SMCHD1: variants seen among roughly 807,000 people sequenced by gnomAD.
SMCHD1 encodes the protein structural maintenance of chromosomes flexible hinge domain containing 1, also known as structural maintenance of chromosomes flexible hinge domain-containing protein 1.
SMCHD1 carries 78 observed loss-of-function variants against 254.7 expected under a neutral mutation model. The ratio of observed to expected loss-of-function variants is 0.31; its 90% CI spans 0.26 to 0.37. SMCHD1 has a LOEUF of 0.37. SMCHD1 is among the 10% of genes least tolerant of loss of function. The probability of loss-of-function intolerance (pLI) is 1.00; values close to 1 mark genes in which losing one functional copy is unlikely to be tolerated. For missense variants in SMCHD1, 1,840 were observed against 2,408.1 expected, an observed-to-expected ratio of 0.76 and a Z score of 4.94; for synonymous variants, 766 against 794.9, an observed-to-expected ratio of 0.96 and a Z score of 0.61.
intron 1 of SMCHD1, 40 bp from the exon 2 acceptor site, chr18:2,666,117 C>A: frequency 1.1e-6 from 1 of 909,208 alleles, no homozygotes; most frequent in South Asian, 1.6e-5. Flanking sequence ...ACATTTATTT[C>A]CTTTGTGTAA....
intron 7 of SMCHD1, among the ~76,000 whole-genome samples, chr18:2,689,854 A>T (rs1294311917): frequency 1.4e-5 from 1 of 71,602 alleles, no homozygotes; most frequent in Non-Finnish European, 2.9e-5. Flanking sequence ...GTCTCTACTA[A>T]AAAAAAAAAA....
At chr18:2,789,309 A>G (rs72866597) in intron 45 of SMCHD1, among the ~76,000 whole-genome samples, 29,162 of 151,694 alleles carry the variant, frequency 0.19, 3,054 homozygotes, top group Admixed American at 0.26. Flanking sequence ...TCAGAGTGCT[A>G]GGGATTACAG....
In SMCHD1 at chr18:2,718,494, G is replaced by C. The variant is rs1179429350; in HGVS notation, c.2458+60G>C. 7.2e-7 allele frequency: 1 copy of C among 1,389,160 alleles called. No individual in the cohort carries two copies. 86.1% of individuals were successfully genotyped at this position (1,389,160 alleles called of 1,614,324 possible). On this transcript the variant is annotated intron_variant, in intron 19 of 47. Transcript: ENST00000320876. This position sits in a 1 kb window ranked among gnomAD's most constrained non-coding sequence, Gnocchi z 4.6. ...AAAGGTGGCATTTTAAATCCAAAGAGAAAAGAGAGATAAGCCATTAAAAGA... is the reference window on the plus strand; with the variant it reads ...AAAGGTGGCATTTTAAATCCAAAGACAAAAGAGAGATAAGCCATTAAAAGA...
chr18:2,694,911 T>G (rs945763035), intron 8 of SMCHD1, among the ~76,000 whole-genome samples: 1 of 152,200 alleles, frequency 6.6e-6, no homozygotes, highest in Non-Finnish European at 1.5e-5. Flanking sequence ...TGAGCATTAT[T>G]TGAGGCACAG....
At chr18:2,773,178 CAG>C (rs2076012283) in intron 41 of SMCHD1, among the ~76,000 whole-genome samples, 1 of 152,094 alleles carries the variant, frequency 6.6e-6, no homozygotes, top group Non-Finnish European at 1.5e-5. Flanking sequence ...ACCCAAACCT[CAG>C]ATCCGCAAAC....
At chr18:2,672,542 A>C (rs1464732149) in intron 3 of SMCHD1, among the ~76,000 whole-genome samples, 1 of 152,326 alleles carries the variant, frequency 6.6e-6, no homozygotes. Context: ...GCTACTTTGC[A>C]TTAATTACAG....
At chr18:2,663,855 C>T (rs1317124056) in intron 1 of SMCHD1, among the ~76,000 whole-genome samples, 1 of 152,080 alleles carries the variant, frequency 6.6e-6, no homozygotes, top group Non-Finnish European at 1.5e-5. Flanking sequence ...GTTGGGACTA[C>T]AGGCGCCTGC....
intron 44 of SMCHD1, among the ~76,000 whole-genome samples, chr18:2,779,828 T>TA (rs1244297885): frequency 1.3e-5 from 2 of 151,790 alleles, no homozygotes; most frequent in African/African-American, 2.4e-5. Context: ...CGATTCTGTC[T>TA]AAAAAAATAA....
At chr18:2,713,780 T>G (rs967927666) in intron 17 of SMCHD1, among the ~76,000 whole-genome samples, 1 of 152,246 alleles carries the variant, frequency 6.6e-6, no homozygotes, top group African/African-American at 2.4e-5. Flanking sequence ...TTTTATAGTT[T>G]TGAGAGTTTC....
At chr18:2,730,834 T>G (rs1226413021) in intron 24 of SMCHD1, among the ~76,000 whole-genome samples, 1 of 152,248 alleles carries the variant, frequency 6.6e-6, no homozygotes, top group Admixed American at 6.5e-5. Flanking sequence ...CTTTTTAAGC[T>G]TGTTATATTT....
chr18:2,752,453 T>C (rs770757145), intron 33 of SMCHD1, 35 bp from the exon 34 acceptor site: 3 of 1,463,696 alleles, frequency 2.0e-6, no homozygotes, highest in East Asian at 2.3e-5. Flanking sequence ...TTTGTCATTT[T>C]CCCCTCTCCC....
Position 2,720,122 on chromosome 18 carries a change from C to T in SMCHD1, c.2458+1688C>T, listed in dbSNP as rs535519211. ...GATTACAGGCTTGAGCCACTGTGCC[C>T]AACCTGTTCTTTCTTTCTAAAATAT... is the stretch of plus-strand genomic sequence containing the variant. On this transcript the variant is annotated intron_variant, in intron 19 of 47. Transcript: ENST00000320876. Among the ~76,000 whole-genome samples the T allele has an allele frequency of 5.9e-5, 9 of 152,316 alleles. No homozygotes were observed. The East Asian group carries it at 1.5e-3, about 26-fold the overall frequency.
At chr18:2,772,929 C>CATAT (rs1284192570) in intron 41 of SMCHD1, among the ~76,000 whole-genome samples, 1 of 152,230 alleles carries the variant, frequency 6.6e-6, no homozygotes, top group East Asian at 1.9e-4. Context: ...TTGTAACCAC[C>CATAT]ATATGAACTA....
chr18:2,797,101 A>G (rs890579021), intron 47 of SMCHD1, among the ~76,000 whole-genome samples: 21 of 152,170 alleles, frequency 1.4e-4, no homozygotes, highest in Non-Finnish European at 1.9e-4. Context: ...TTGCTTGTCT[A>G]TTTTTTGGCT....
At chr18:2,786,275 G>T (rs556085204) in intron 45 of SMCHD1, among the ~76,000 whole-genome samples, 3 of 152,250 alleles carry the variant, frequency 2.0e-5, no homozygotes, top group Admixed American at 2.0e-4. Context: ...CAGGCGTGAG[G>T]CACCGTGTCT....
Position 2,751,275 on chromosome 18 carries a change from C to A in SMCHD1, c.4166-3C>A. On this transcript the variant is annotated splice_region_variant and splice_polypyrimidine_tract_variant and intron_variant, in intron 32 of 47. Coordinates refer to ENST00000320876, the MANE Select transcript of SMCHD1 (RefSeq NM_015295.3). ...GATAATTTTTTAACGTTTACCATGA[C>A]AGATTTTATGATTAGTGTTATTTCT... is the stretch of plus-strand genomic sequence containing the variant. The A allele has an allele frequency of 6.7e-7, 1 of 1,500,904 alleles. No individual in the cohort carries two copies. The highest frequency in any genetic ancestry group is 9.1e-7 in the Non-Finnish European group (1 of 1,099,090). 93.0% of individuals were successfully genotyped at this position (1,500,904 alleles called of 1,614,324 possible). A position where few individuals can be genotyped will look rare whatever the true frequency, so the allele number is the denominator to read the frequency against.
chr18:2,767,180 C>A (rs2143718114), intron 37 of SMCHD1, among the ~76,000 whole-genome samples: 1 of 151,850 alleles, frequency 6.6e-6, no homozygotes, highest in Non-Finnish European at 1.5e-5. Context: ...ATAGCTTAAG[C>A]CTGAGAGGTT....
chr18:2,789,681 A>C (rs780988591), intron 45 of SMCHD1, among the ~76,000 whole-genome samples: 21 of 152,234 alleles, frequency 1.4e-4, no homozygotes, highest in Non-Finnish European at 2.8e-4. Context: ...TGAGAATATC[A>C]TAAGTTGGAA....
chr18:2,693,694 C>T (rs945105352), intron 7 of SMCHD1, among the ~76,000 whole-genome samples: 2 of 152,114 alleles, frequency 1.3e-5, no homozygotes, highest in East Asian at 3.8e-4. Flanking sequence ...TGCAGTGGCG[C>T]GATCTTGGCT....
Sources: gnomAD v4.1 joint callset for allele counts (sites outside exome capture counted in the v4.1 genomes callset) on GRCh38, gnomAD v4.1.1 for gene constraint, Gnocchi (gnomAD v3.1) non-coding constraint, MANE v1.5 for transcripts, NCBI Gene and HGNC (gene_info 2026-07-23, HGNC 2026-07-21) for gene names.